TRIML2: variants seen among roughly 807,000 people sequenced by gnomAD.
TRIML2 encodes tripartite motif family like 2.
In TRIML2, 28 loss-of-function variants were observed where a neutral mutation model predicts 31.2. The observed-to-expected ratio is 0.90, with a 90% CI of 0.66 to 1.23. TRIML2 has a LOEUF of 1.23. Ranked by LOEUF, TRIML2 falls within the 50% of genes most tolerant of loss-of-function variation. The pLI is 0.00. For synonymous variants in TRIML2, 187 were observed against 197.5 expected (o/e 0.95, Z 0.45); for missense variants, 536 against 528.3 (o/e 1.01, Z -0.14).
intron 1 of TRIML2, among the ~76,000 whole-genome samples, chr4:188,106,250 A>T (rs1437142606): frequency 6.6e-6 from 1 of 152,008 alleles, no homozygotes; most frequent in East Asian, 1.9e-4. Flanking sequence ...ACGGGGTTTC[A>T]CCGTGTTAGC....
At chr4:188,108,994 AGTAAAAATTGAAGGT>A (rs1295888734) in intron 1 of TRIML2, among the ~76,000 whole-genome samples, 1 of 152,206 alleles carries the variant, frequency 6.6e-6, no homozygotes, top group Non-Finnish European at 1.5e-5. Flanking sequence ...ATGTTAAACC[AGTAAAAATTGAAGGT>A]GTAATGAGAG....
chr4:188,092,598 C>A (rs1161966216), intron 7 of TRIML2, among the ~76,000 whole-genome samples: 1 of 152,200 alleles, frequency 6.6e-6, no homozygotes. Flanking sequence ...CCTGGAGCGG[C>A]CACAGGAGTC....
At position 188,105,278 on chromosome 4, in the gene TRIML2, C is replaced by T; in HGVS notation, c.91G>A (p.Asp31Asn). Reference sequence around the variant, plus strand: ...CTGCAGAGTGTGATTTGGTCAACATCACAGAACAGCCGTGTTGGTTCCAGG... The same window carrying T: ...CTGCAGAGTGTGATTTGGTCAACATTACAGAACAGCCGTGTTGGTTCCAGG... ...THLEPTRLFC[D>N]VDQITLCSKC... is the part of the protein sequence containing the mutation. The change falls in exon 2 of 8, where the codon GAT becomes AAT. Residue 31 changes from aspartate to asparagine, a missense_variant. Physicochemically the swap from Asp to Asn is conservative, Grantham distance 23. Coordinates refer to ENST00000682553, the MANE Select transcript of TRIML2 (RefSeq NM_173553.4). The T allele has an allele frequency of 1.2e-6, 2 of 1,612,822 alleles. No homozygotes were observed. Among genetic ancestry groups the T allele is most frequent in the African/African-American group, 1.3e-5 (1 of 75,052 alleles).
In TRIML2 at chr4:188,108,312, G is replaced by C. The variant is rs76059964; in HGVS notation, c.-223+931C>G. Among the ~76,000 whole-genome samples, 659 of 152,266 alleles carry C rather than the reference G, an allele frequency of 4.3e-3. 9 individuals carry two copies. Among genetic ancestry groups the C allele is most frequent in the African/African-American group, 0.015 (633 of 41,564 alleles). On this transcript the variant is annotated intron_variant, in intron 1 of 7. Transcript: ENST00000682553. The stretch of plus-strand genomic sequence containing the variant: ...ATTTTTGCAATAGAATGTCTAAGGA[G>C]CACTCAAAATTAACATATCTAAAGC...
chr4:188,106,109 G>A (rs1472724537), intron 1 of TRIML2: 2 of 151,992 alleles, frequency 1.3e-5, no homozygotes, highest in Admixed American at 6.6e-5. Context: ...GAGTGCGGTG[G>A]CGCGATCTCG....
intron 3 of TRIML2, among the ~76,000 whole-genome samples, chr4:188,103,895 G>A (rs1256059268): frequency 6.6e-6 from 1 of 151,986 alleles, no homozygotes; most frequent in Non-Finnish European, 1.5e-5. Context: ...TCCTTACCTA[G>A]CCAGGCAATT....
chr4:188,106,206 C>T (rs1196782658), intron 1 of TRIML2, among the ~76,000 whole-genome samples: 3 of 115,892 alleles, frequency 2.6e-5, no homozygotes, highest in Admixed American at 8.0e-5. Flanking sequence ...CCCGCCACCT[C>T]GCCCGGCTAA....
chr4:188,091,917 G>T lies in TRIML2; in HGVS notation c.770C>A (p.Thr257Lys), dbSNP rs1469297231. ...AGATAGTGCCAGGCAGGGATGAGCT[G>T]TTTCAGGATCCAATGTTAAATGTCC... ...LQRHLTLDPE[T>K]AHPCLALSED... Residue 257 changes from threonine (T) to lysine (K), a missense_variant, in exon 8 of 8, where the codon ACA (threonine) becomes AAA (lysine). By Grantham distance (78) the Thr-to-Lys change is moderately conservative (BLOSUM62 -1). Coordinates refer to ENST00000682553, the MANE Select transcript of TRIML2 (RefSeq NM_173553.4). The T allele has an allele frequency of 2.5e-6, 4 of 1,611,566 alleles. No individual in the cohort carries two copies. The highest frequency in any genetic ancestry group is 2.5e-6 in the Non-Finnish European group (3 of 1,179,786).
rs759320398 is a variant in TRIML2, at chr4:188,091,989, A to G, written c.746-48T>C. ...TTAACCTAGGAGTTCACCAATGCCA[A>G]TGCCAGAGACATGATTTCTAACACA... is the stretch of plus-strand genomic sequence containing the variant. On this transcript the variant is annotated intron_variant, in intron 7 of 7. Coordinates refer to ENST00000682553, the MANE Select transcript of TRIML2 (RefSeq NM_173553.4). 48 of 1,547,970 alleles carry G rather than the reference A, an allele frequency of 3.1e-5. No homozygotes were observed. The South Asian group carries it at 4.6e-4, about 15-fold the overall frequency.
At chr4:188,099,708 CCT>C (rs761158023) in intron 4 of TRIML2, among the ~76,000 whole-genome samples, 15 of 152,306 alleles carry the variant, frequency 9.8e-5, no homozygotes, top group Admixed American at 2.6e-4. Context: ...TTCTTTGCCC[CCT>C]GTTATGTATG....
chr4:188,106,907 G>A lies in TRIML2; in HGVS notation c.-222-1317C>T, dbSNP rs532681653. On this transcript the variant is annotated intron_variant, in intron 1 of 7. Coordinates refer to ENST00000682553, the MANE Select transcript of TRIML2 (RefSeq NM_173553.4). ...GTGCCCATCTTTGGCAAGAAGAAGGGCCCCAATGTCCTTCTTAAGTCCTTT... is the reference window on the plus strand; with the variant it reads ...GTGCCCATCTTTGGCAAGAAGAAGGACCCCAATGTCCTTCTTAAGTCCTTT... 7 of 254,414 alleles carry A rather than the reference G, an allele frequency of 2.8e-5. No homozygotes were observed. In the East Asian group the frequency reaches 4.4e-4, roughly 16 times the overall value. The allele number at this position is 254,414 out of a possible 1,614,324, so 15.8% of individuals were successfully genotyped here. A position where few individuals can be genotyped will look rare whatever the true frequency, so the allele number is the denominator to read the frequency against.
chr4:188,102,345 T>C (rs1183615650), intron 3 of TRIML2, among the ~76,000 whole-genome samples: 1 of 151,888 alleles, frequency 6.6e-6, no homozygotes, highest in African/African-American at 2.4e-5. Context: ...CCAAAATATA[T>C]AGAGAGAATC....
intron 3 of TRIML2, among the ~76,000 whole-genome samples, chr4:188,103,149 A>G (rs1733876861): frequency 6.6e-6 from 1 of 150,932 alleles, no homozygotes. Context: ...AGTAGCTGGG[A>G]CTACAGGCAC....
chr4:188,100,052 T>C (rs1371027355), intron 4 of TRIML2, among the ~76,000 whole-genome samples: 2 of 152,202 alleles, frequency 1.3e-5, no homozygotes, highest in Non-Finnish European at 2.9e-5. Context: ...ACTTTATTCT[T>C]GGAGAACATT....
In TRIML2 at chr4:188,095,096, G is replaced by A. The variant is rs76036498; in HGVS notation, c.745+1965C>T. Among the ~76,000 whole-genome samples the A allele has an allele frequency of 2.8e-3, 424 of 152,212 alleles. 1 individual carries two copies. The highest frequency in any genetic ancestry group is 7.3e-3 in the South Asian group (35 of 4,816). ...TCAAAAAATAAAAATAGAAGGTGGG[G>A]GGAGGAGAGGGTTTGCACCATTCTG... On this transcript the variant is annotated intron_variant, in intron 7 of 7. Coordinates refer to ENST00000682553, the MANE Select transcript of TRIML2 (RefSeq NM_173553.4).
intron 1 of TRIML2, chr4:188,106,745 C>G: frequency 5.1e-6 from 1 of 194,464 alleles, no homozygotes; most frequent in South Asian, 1.0e-4. Flanking sequence ...GAGGCCCCGA[C>G]TGCCCGGGAG....
chr4:188,104,236 A>G (rs1733926238), intron 3 of TRIML2, among the ~76,000 whole-genome samples: 3 of 152,236 alleles, frequency 2.0e-5, no homozygotes, highest in Admixed American at 2.0e-4. Context: ...TATAATTTGT[A>G]TTTCTCTTAC....
At position 188,105,452 on chromosome 4, in the gene TRIML2, G is replaced by C; in HGVS notation, c.-84C>G. ...GCACTGTGAATGAGAAAAAATGGTG[G>C]CTTCCTTTGTTTTCTGGAGCAGGCA... On this transcript the variant is annotated 5_prime_UTR_variant, in exon 2 of 8. Transcript: ENST00000682553. 9.4e-7 allele frequency: 1 copy of C among 1,067,890 alleles called. No homozygotes were observed. The highest frequency in any genetic ancestry group is 1.6e-5 in the African/African-American group (1 of 63,686). 66.2% of individuals were successfully genotyped at this position (1,067,890 alleles called of 1,614,324 possible).
Position 188,091,586 on chromosome 4 carries a change from C to T in TRIML2, c.1101G>A (p.Leu367=), listed in dbSNP as rs775846169. ...AGTCAAGGAAAACGCCAACTGTGTC[C>T]AACTTCTTTTCCAGGAAGAGCCTTT... ...PLKRLFLEKK[L]DTVGVFLDCE... The change falls in exon 8 of 8, where the codon TTG becomes TTA. Residue 367 remains leucine, a synonymous_variant. Coordinates refer to ENST00000682553, the MANE Select transcript of TRIML2 (RefSeq NM_173553.4). 7.4e-6 allele frequency: 12 copies of T among 1,614,124 alleles called. No individual in the cohort carries two copies. The South Asian group carries it at 1.3e-4, about 18-fold the overall frequency.
Sources: gnomAD v4.1 joint callset for allele counts (sites outside exome capture counted in the v4.1 genomes callset) on GRCh38, gnomAD v4.1.1 for gene constraint, MANE v1.5 for transcripts, NCBI Gene and HGNC (gene_info 2026-07-23, HGNC 2026-07-21) for gene names.